The following C6 variants were observed in gnomAD, a reference collection of about 807,000 sequenced individuals.
The protein encoded by C6 is complement C6.
Under a neutral mutation model 112.9 loss-of-function variants are expected in C6, and 101 were observed. The observed-to-expected ratio is 0.89, with a 90% CI of 0.76 to 1.06. The LOEUF is 1.06. C6 is among the 50% of genes least tolerant of loss of function. The pLI is 0.00. For missense variants in C6, 1,202 were observed against 1,104.6 expected (o/e 1.09, Z -1.25); for synonymous variants, 431 against 384.1 (o/e 1.12, Z -1.43).
chr5:41,239,475 A>G (rs1309409325), intron 1 of C6, among the ~76,000 whole-genome samples: 1 of 152,118 alleles, frequency 6.6e-6, no homozygotes, highest in Admixed American at 6.6e-5. Context: ...ATTCTGAAAT[A>G]CACAATACAT....
chr5:41,230,641 T>A (rs921291331), intron 1 of C6, among the ~76,000 whole-genome samples: 1 of 152,138 alleles, frequency 6.6e-6, no homozygotes, highest in African/African-American at 2.4e-5. Flanking sequence ...CCTTTGCCTT[T>A]GTGATCTTTA....
At chr5:41,229,273 A>G (rs1416586513) in intron 1 of C6, among the ~76,000 whole-genome samples, 3 of 144,794 alleles carry the variant, frequency 2.1e-5, no homozygotes, top group African/African-American at 7.6e-5. Context: ...GAGTTTGTTT[A>G]TGTGTGATCC....
At chr5:41,172,883 G>A (rs933359204) in intron 8 of C6, among the ~76,000 whole-genome samples, 6 of 152,014 alleles carry the variant, frequency 3.9e-5, no homozygotes, top group Non-Finnish European at 5.9e-5. Flanking sequence ...TGCTTCTTCC[G>A]TGAACACTCA....
At chr5:41,213,580 C>A, upstream of C6, 1 of 984,868 alleles carries the variant, frequency 1.0e-6, no homozygotes, top group Non-Finnish European at 1.2e-6. Flanking sequence ...GGAACTTGAA[C>A]TTTGCAAATG....
intron 4 of C6, among the ~76,000 whole-genome samples, chr5:41,198,411 GA>G (rs1184962018): frequency 6.6e-6 from 1 of 152,114 alleles, no homozygotes; most frequent in African/African-American, 2.4e-5. Flanking sequence ...CACCCAGTCC[GA>G]ATGGATGCCA....
At chr5:41,241,060 T>C (rs1033960778) in intron 1 of C6, among the ~76,000 whole-genome samples, 5 of 152,162 alleles carry the variant, frequency 3.3e-5, no homozygotes, top group East Asian at 1.9e-4. Flanking sequence ...CCAGGCCAGG[T>C]GTGCCTGTCC....
intron 9 of C6, among the ~76,000 whole-genome samples, chr5:41,171,914 C>T (rs1748454054): frequency 6.6e-6 from 1 of 152,064 alleles, no homozygotes. Context: ...TGTTTCTTTA[C>T]TTTGTAAGGT....
intron 5 of C6, chr5:41,186,465 A>G: frequency 2.2e-6 from 1 of 457,978 alleles, no homozygotes; most frequent in Non-Finnish European, 4.0e-6. Flanking sequence ...CTTTCAACAT[A>G]CAACAAAATC....
At chr5:41,206,643 G>T (rs1411614439) in intron 1 of C6, among the ~76,000 whole-genome samples, 1 of 152,112 alleles carries the variant, frequency 6.6e-6, no homozygotes, top group Non-Finnish European at 1.5e-5. Context: ...AAGATCAAAT[G>T]AATGAAATGA....
intron 3 of C6, among the ~76,000 whole-genome samples, chr5:41,200,891 G>GTTGTTTTTTTT (rs1447605950): frequency 7.1e-5 from 5 of 70,670 alleles, no homozygotes; most frequent in Non-Finnish European, 4.9e-5. Context: ...TGTTGTTGTT[G>GTTGTTTTTTTT]TTTTTTTTTT....
At chr5:41,199,675 C>T (rs1371379424) in intron 4 of C6, 93 bp downstream of exon 4, 1 of 1,239,312 alleles carries the variant, frequency 8.1e-7, no homozygotes, top group Non-Finnish European at 1.2e-6. Flanking sequence ...TGGGATTTCT[C>T]TGTGATGGAT....
At chr5:41,259,985 A>T (rs919858085) in intron 1 of C6, among the ~76,000 whole-genome samples, 7 of 152,194 alleles carry the variant, frequency 4.6e-5, no homozygotes, top group Admixed American at 3.9e-4. Flanking sequence ...TAGAGAACAA[A>T]CCACTCTCAG....
chr5:41,158,556 C>A, intron 13 of C6, 118 bp downstream of exon 13: 2 of 710,972 alleles, frequency 2.8e-6, no homozygotes, highest in Admixed American at 4.1e-5. Flanking sequence ...TTATTTTGTA[C>A]TTTTAAAGTC....
At position 41,238,030 on chromosome 5, in the gene C6, A is replaced by G. The variant is rs28644210; in HGVS notation, c.-21+23164T>C. On this transcript the variant is annotated intron_variant, in intron 1 of 17. Coordinates refer to the C6 transcript ENST00000263413. ...GGAATCCAACTTACAAGGGATGTGA[A>G]GGACCTCTTCAAGGAGAACTACAAA... 9.9e-3 allele frequency among the ~76,000 whole-genome samples: 62 copies of G among 6,266 alleles called. 2 individuals are homozygous for G. Among genetic ancestry groups the G allele is most frequent in the African/African-American group, 0.042 (59 of 1,390 alleles). The allele number at this position is 6,266 out of a possible 152,430, so 4.1% of individuals were successfully genotyped here.
At chr5:41,230,082 TCTTTA>T (rs1413943825) in intron 1 of C6, among the ~76,000 whole-genome samples, 1 of 152,296 alleles carries the variant, frequency 6.6e-6, no homozygotes, top group Non-Finnish European at 1.5e-5. Context: ...CTTATGTCTG[TCTTTA>T]CTTTAATCTC....
intron 1 of C6, among the ~76,000 whole-genome samples, chr5:41,225,799 A>T (rs565911534): frequency 1.3e-5 from 2 of 152,176 alleles, no homozygotes; most frequent in Admixed American, 6.5e-5. Context: ...ATAATGCCAC[A>T]TATCTACAAC....
At chr5:41,159,973 G>A (rs1747317639) in intron 11 of C6, among the ~76,000 whole-genome samples, 169 bp downstream of exon 11, 1 of 152,170 alleles carries the variant, frequency 6.6e-6, no homozygotes, top group Non-Finnish European at 1.5e-5. Flanking sequence ...AGCTCACATA[G>A]TTGGTAGGTT....
intron 2 of C6, 61 bp from the exon 3 acceptor site, chr5:41,201,775 A>G: frequency 7.2e-7 from 1 of 1,392,702 alleles, no homozygotes; most frequent in Non-Finnish European, 1.0e-6. Flanking sequence ...CCTGCTCCAT[A>G]ATCAAAGTAT....
At chr5:41,223,000 AT>A (rs1476742646) in intron 1 of C6, among the ~76,000 whole-genome samples, 1 of 152,190 alleles carries the variant, frequency 6.6e-6, no homozygotes, top group Non-Finnish European at 1.5e-5. Context: ...ATTCTCTGGA[AT>A]TTCTATTGTA....
Sources: gnomAD v4.1 joint callset for allele counts (sites outside exome capture counted in the v4.1 genomes callset) on GRCh38, gnomAD v4.1.1 for gene constraint, MANE v1.5 for transcripts, NCBI Gene and HGNC (gene_info 2026-07-23, HGNC 2026-07-21) for gene names.